Variants in MTNR1B observed in about 807,000 individuals in gnomAD.
MTNR1B encodes melatonin receptor type 1B.
Under a neutral mutation model 7.0 loss-of-function variants are expected in MTNR1B, and 7 were observed. The ratio of observed to expected loss-of-function variants is 1.00; its 90% CI spans 0.57 to 1.88. The LOEUF is 1.88. MTNR1B is among the 40% of genes most tolerant of loss of function. The probability of loss-of-function intolerance (pLI) is 0.00; values close to 1 mark genes in which losing one functional copy is unlikely to be tolerated. For missense variants in MTNR1B, 478 were observed against 486.5 expected, an observed-to-expected ratio of 0.98 and a Z score of 0.16; for synonymous variants, 226 against 208.2, an observed-to-expected ratio of 1.09 and a Z score of -0.74.
At chr11:92,981,023 T>C (rs1055318772) in intron 1 of MTNR1B, among the ~76,000 whole-genome samples, 1 of 152,154 alleles carries the variant, frequency 6.6e-6, no homozygotes, top group African/African-American at 2.4e-5. Flanking sequence ...GAGGGAGCGA[T>C]GATAGTGATG....
chr11:92,971,629 G>A (rs994676338), intron 1 of MTNR1B, among the ~76,000 whole-genome samples: 2 of 152,150 alleles, frequency 1.3e-5, no homozygotes, highest in Admixed American at 1.3e-4. Context: ...GACTTATTGA[G>A]TATTTAGAGC....
intron 1 of MTNR1B, among the ~76,000 whole-genome samples, chr11:92,980,806 G>T (rs1332198123): frequency 1.3e-5 from 2 of 152,198 alleles, no homozygotes; most frequent in Non-Finnish European, 2.9e-5. Context: ...CCACAAGGCT[G>T]GGAGTACTGG....
chr11:92,983,337 C>A (rs1226488797), downstream of MTNR1B, among the ~76,000 whole-genome samples: 2 of 152,122 alleles, frequency 1.3e-5, no homozygotes, highest in Non-Finnish European at 2.9e-5. Context: ...GCCTAAGCAA[C>A]ATGGCAAAAC....
chr11:92,977,027 T>TATC (rs1170868774), intron 1 of MTNR1B, among the ~76,000 whole-genome samples: 1 of 152,240 alleles, frequency 6.6e-6, no homozygotes, highest in African/African-American at 2.4e-5. Flanking sequence ...AAATGTTACC[T>TATC]ATCAGAATTT....
Position 92,969,655 on chromosome 11 carries a change from T to C in MTNR1B, c.-71T>C. 7.4e-7 allele frequency: 1 copy of C among 1,344,866 alleles called. No homozygotes were observed. Among genetic ancestry groups the C allele is most frequent in the Non-Finnish European group, 9.5e-7 (1 of 1,048,022 alleles). The allele number at this position is 1,344,866 out of a possible 1,614,324, so 83.3% of individuals were successfully genotyped here. On this transcript the variant is annotated 5_prime_UTR_variant, in exon 1 of 2. Coordinates refer to ENST00000257068, the MANE Select transcript of MTNR1B (RefSeq NM_005959.5). ...CTGGGCAGGGAAGAGAGCGCCCGGC[T>C]CAGTACTGCGCGCGCCCTGCGGCTG...
chr11:92,982,480 G>T lies in MTNR1B; in HGVS notation c.*168G>T. On this transcript the variant is annotated 3_prime_UTR_variant, in exon 2 of 2. Transcript: ENST00000257068. ...GGACAAGCAGCCCATCAACGCCATG[G>T]GTTCAGGCTGATCCAGGAGATGCTC... 1 of 776,886 alleles carries T rather than the reference G, an allele frequency of 1.3e-6. No homozygotes were observed. Among genetic ancestry groups the T allele is most frequent in the South Asian group, 1.9e-5 (1 of 53,128 alleles). 48.1% of individuals were successfully genotyped at this position (776,886 alleles called of 1,614,324 possible).
intron 1 of MTNR1B, among the ~76,000 whole-genome samples, chr11:92,973,055 G>T (rs1052172385): frequency 3.9e-5 from 6 of 152,020 alleles, no homozygotes. Context: ...ATGTTCCTCT[G>T]TGCTGTGTGT....
rs952978849 is a variant in MTNR1B at position 92,970,055 on chromosome 11, C to T, written c.223+107C>T. 6.0e-6 allele frequency: 8 copies of T among 1,330,260 alleles called. No individual in the cohort carries two copies. The African/African-American group carries it at 9.0e-5, about 15-fold the overall frequency. 82.4% of individuals were successfully genotyped at this position (1,330,260 alleles called of 1,614,324 possible). A position where few individuals can be genotyped will look rare whatever the true frequency, so the allele number is the denominator to read the frequency against. Reference sequence around the variant, plus strand: ...CTGCCTTTTCCCTCCTCAGCCCGGGCTCCCCTTTCCCTTCACTCTAACCTA... The same window carrying T: ...CTGCCTTTTCCCTCCTCAGCCCGGGTTCCCCTTTCCCTTCACTCTAACCTA... On this transcript the variant is annotated intron_variant, in intron 1 of 1. Coordinates refer to ENST00000257068, the MANE Select transcript of MTNR1B (RefSeq NM_005959.5).
chr11:92,970,898 T>G (rs1857912251), intron 1 of MTNR1B, among the ~76,000 whole-genome samples: 1 of 152,216 alleles, frequency 6.6e-6, no homozygotes, highest in African/African-American at 2.4e-5. Flanking sequence ...AAAATGCTTT[T>G]CTAAGGAGTC....
intron 1 of MTNR1B, among the ~76,000 whole-genome samples, chr11:92,975,091 G>C (rs1007063923): frequency 6.6e-6 from 1 of 152,202 alleles, no homozygotes; most frequent in Non-Finnish European, 1.5e-5. Context: ...CCCCTTTCTT[G>C]GTCTGGCCCG....
rs61747139 is a variant in MTNR1B at position 92,981,951 on chromosome 11, A to G, written c.728A>G (p.Lys243Arg). The G allele has an allele frequency of 0.038, 60,812 of 1,614,164 alleles. 2,997 individuals carry two copies. The highest frequency in any genetic ancestry group is 0.24 in the African/African-American group (18,058 of 75,004). ...KAKPESRLCLKPSDLRSFLTM... is the reference protein window; with the variant it reads ...KAKPESRLCLRPSDLRSFLTM... ...AAGCCAGAGAGCAGGCTGTGCCTGA[A>G]GCCCAGCGACTTGCGGAGCTTTCTA... Residue 243 changes from lysine (K) to arginine (R), a missense_variant, in exon 2 of 2, where the codon AAG (lysine) becomes AGG (arginine). Coordinates refer to ENST00000257068, the MANE Select transcript of MTNR1B (RefSeq NM_005959.5).
intron 1 of MTNR1B, among the ~76,000 whole-genome samples, chr11:92,973,750 C>T (rs545598108): frequency 3.9e-5 from 6 of 152,304 alleles, no homozygotes; most frequent in South Asian, 4.1e-4. Context: ...TGTCTCTCCC[C>T]GCTGGACCGT....
Position 92,969,662 on chromosome 11 carries a change from TGC to T in MTNR1B, c.-57_-56del. 7.3e-7 allele frequency: 1 copy of T among 1,366,786 alleles called. No individual in the cohort carries two copies. The highest frequency in any genetic ancestry group is 9.4e-7 in the Non-Finnish European group (1 of 1,060,500). 84.7% of individuals were successfully genotyped at this position (1,366,786 alleles called of 1,614,324 possible). ...GGGAAGAGAGCGCCCGGCTCAGTAC[TGC>T]GCGCGCCCTGCGGCTGTCCGGGGCC... On this transcript the variant is annotated 5_prime_UTR_variant, in exon 1 of 2. Coordinates refer to ENST00000257068, the MANE Select transcript of MTNR1B (RefSeq NM_005959.5).
chr11:92,983,456 T>A (rs755698931), downstream of MTNR1B, among the ~76,000 whole-genome samples: 14 of 148,114 alleles, frequency 9.5e-5, no homozygotes, highest in Non-Finnish European at 1.0e-4. Flanking sequence ...GAGGCTACAG[T>A]GAGCTGAGAT....
intron 1 of MTNR1B, among the ~76,000 whole-genome samples, chr11:92,970,829 C>G (rs998411739): frequency 6.6e-6 from 1 of 152,064 alleles, no homozygotes; most frequent in Non-Finnish European, 1.5e-5. Flanking sequence ...GGAGCAAATT[C>G]AAATATTAGA....
intron 1 of MTNR1B, among the ~76,000 whole-genome samples, chr11:92,973,998 A>G (rs936037984): frequency 6.6e-6 from 1 of 152,258 alleles, no homozygotes; most frequent in Non-Finnish European, 1.5e-5. Flanking sequence ...CCCAAAGTAT[A>G]TCTCATGTTA....
At chr11:92,971,954 C>G (rs1174812460) in intron 1 of MTNR1B, among the ~76,000 whole-genome samples, 2 of 152,200 alleles carry the variant, frequency 1.3e-5, no homozygotes, top group Non-Finnish European at 2.9e-5. Context: ...AACACTATAT[C>G]TAAATGACAT....
Position 92,969,784 on chromosome 11 carries a change from C to G in MTNR1B, c.59C>G (p.Pro20Arg). ...GAGGCGGGCGGGTGGGCAGTGCGCCCGGGCTGGTCGGGGGCTGGCAGCGCG... is the reference window on the plus strand; with the variant it reads ...GAGGCGGGCGGGTGGGCAGTGCGCCGGGGCTGGTCGGGGGCTGGCAGCGCG... Reference protein sequence around the residue: ...CCEAGGWAVRPGWSGAGSARP... With the variant: ...CCEAGGWAVRRGWSGAGSARP... Residue 20 changes from proline (P) to arginine (R), a missense_variant, in exon 1 of 2, where the codon CCG becomes CGG. Coordinates refer to ENST00000257068, the MANE Select transcript of MTNR1B (RefSeq NM_005959.5). 1 of 1,544,566 alleles carries G rather than the reference C, an allele frequency of 6.5e-7. No homozygotes were observed. The highest frequency in any genetic ancestry group is 8.7e-7 in the Non-Finnish European group (1 of 1,145,054).
rs528085658 is a variant in MTNR1B at position 92,970,681 on chromosome 11, C to T, written c.223+733C>T. Among the ~76,000 whole-genome samples the T allele has an allele frequency of 9.9e-5, 15 of 152,242 alleles. No homozygotes were observed. In the East Asian group the frequency reaches 2.9e-3, roughly 29 times the overall value. ...TTCAATATTCCCCTAGTCAGGTCTTCAAAGAAACAAAACCAGAGTGGGGGG... is the reference window on the plus strand; with the variant it reads ...TTCAATATTCCCCTAGTCAGGTCTTTAAAGAAACAAAACCAGAGTGGGGGG... On this transcript the variant is annotated intron_variant, in intron 1 of 1. Transcript: ENST00000257068.
Sources: gnomAD v4.1 joint callset for allele counts (sites outside exome capture counted in the v4.1 genomes callset) on GRCh38, gnomAD v4.1.1 for gene constraint, MANE v1.5 for transcripts, NCBI Gene and HGNC (gene_info 2026-07-23, HGNC 2026-07-21) for gene names.